The following ATAD2B variants were observed in gnomAD, a reference collection of about 807,000 sequenced individuals.
ATAD2B encodes the protein ATPase family AAA domain-containing protein 2B.
Under a neutral mutation model 167.6 loss-of-function variants are expected in ATAD2B, and 40 were observed. That is an observed-to-expected ratio of 0.24 (90% CI 0.19 to 0.31). The LOEUF is 0.31. ATAD2B is among the 10% of genes least tolerant of loss of function. The pLI is 1.00. For missense variants in ATAD2B, 1,242 were observed against 1,757.2 expected (o/e 0.71, Z 5.24); for synonymous variants, 579 against 596.5 (o/e 0.97, Z 0.43).
At chr2:23,803,396 G>C (rs980633966) in intron 18 of ATAD2B, among the ~76,000 whole-genome samples, 5 of 152,064 alleles carry the variant, frequency 3.3e-5, no homozygotes, top group African/African-American at 1.2e-4. Flanking sequence ...ACCAGCTAAA[G>C]TACTATAGCT....
intron 27 of ATAD2B, 126 bp downstream of exon 27, chr2:23,754,053 C>T: frequency 2.6e-6 from 2 of 775,408 alleles, no homozygotes; most frequent in Non-Finnish European, 1.9e-6. Context: ...TGTCTTAAAT[C>T]TTCAAAACAT....
the ATAD2B span, among the ~76,000 whole-genome samples, chr2:23,725,142 C>G: frequency 6.6e-6 from 1 of 151,120 alleles, no homozygotes; most frequent in African/African-American, 2.4e-5. Context: ...ACCATGGAGG[C>G]TAGAAGGCCA....
intron 2 of ATAD2B, among the ~76,000 whole-genome samples, chr2:23,895,049 G>A (rs1470406849): frequency 6.6e-6 from 1 of 151,916 alleles, no homozygotes; most frequent in African/African-American, 2.4e-5. Context: ...AATGCTTGAA[G>A]AATAAAAACA....
chr2:23,740,009 T>C, the ATAD2B span, among the ~76,000 whole-genome samples: 1 of 152,094 alleles, frequency 6.6e-6, no homozygotes, highest in African/African-American at 2.4e-5. Flanking sequence ...AGGAAGAAGT[T>C]GAACCTCTGA....
chr2:23,882,788 C>A (rs1294589940), intron 6 of ATAD2B, among the ~76,000 whole-genome samples: 1 of 150,458 alleles, frequency 6.6e-6, no homozygotes, highest in African/African-American at 2.4e-5. Flanking sequence ...CCAGCCTGGG[C>A]AACAGAGCGA....
intron 7 of ATAD2B, among the ~76,000 whole-genome samples, chr2:23,877,790 G>A (rs925525996): frequency 2.9e-4 from 43 of 149,246 alleles, no homozygotes; most frequent in Non-Finnish European, 4.8e-4. Flanking sequence ...AACCAGGGCG[G>A]TAGAAGCTGC....
At chr2:23,682,520 G>C in the ATAD2B span, among the ~76,000 whole-genome samples, 1 of 152,186 alleles carries the variant, frequency 6.6e-6, no homozygotes. This position sits in a 1 kb window ranked among gnomAD's most constrained non-coding sequence, Gnocchi z 4.1. Flanking sequence ...GCCACTTCCT[G>C]TCCAGAATCC....
chr2:23,845,570 A>ATTTTTTT (rs71402518), intron 13 of ATAD2B, among the ~76,000 whole-genome samples: 4 of 87,680 alleles, frequency 4.6e-5, no homozygotes, highest in African/African-American at 4.9e-5. Flanking sequence ...GCATGCTGGA[A>ATTTTTTT]TTTTTTTTTT....
chr2:23,744,282 AT>A (rs142964412), downstream of ATAD2B, among the ~76,000 whole-genome samples: 412 of 144,790 alleles, frequency 2.8e-3, no homozygotes, highest in East Asian at 3.4e-3. Flanking sequence ...TCCTGGGAGA[AT>A]TTTTTTTTTT....
chr2:23,834,134 TA>T (rs1689507347), intron 13 of ATAD2B, 56 bp from the exon 14 acceptor site: 3 of 514,514 alleles, frequency 5.8e-6, no homozygotes, highest in Admixed American at 8.7e-5. Context: ...CTGCTTACAA[TA>T]ACGTTTATCA....
chr2:23,748,222 G>T (rs56261842), downstream of ATAD2B, among the ~76,000 whole-genome samples: 11,992 of 152,172 alleles, frequency 0.079, 599 homozygotes, highest in South Asian at 0.12. Context: ...CTGAAGCCAA[G>T]AACATTCTAC....
rs762481569 is a variant in ATAD2B, at chr2:23,810,642, TA to T, written c.2268-141del. The T allele has an allele frequency of 3.9e-4, 248 of 638,984 alleles. 1 individual carries two copies. Among genetic ancestry groups the T allele is most frequent in the Admixed American group, 6.0e-4 (20 of 33,352 alleles). The allele number at this position is 638,984 out of a possible 1,614,324, so 39.6% of individuals were successfully genotyped here. A position where few individuals can be genotyped will look rare whatever the true frequency, so the allele number is the denominator to read the frequency against. ...CCTATATTATTTTAGTATAGTGACTTATTTTTTTATTAATTATGGTTTTAAA... is the reference window on the plus strand; with the variant it reads ...CCTATATTATTTTAGTATAGTGACTTTTTTTTTATTAATTATGGTTTTAAA... On this transcript the variant is annotated intron_variant, in intron 17 of 27. Transcript: ENST00000238789.
rs898913373 is a variant in ATAD2B, at chr2:23,926,488, CCAGA to C, written c.216+63_216+66del. 83 of 1,506,384 alleles carry C rather than the reference CCAGA, an allele frequency of 5.5e-5. 2 individuals carry two copies. In the Admixed American group the frequency reaches 1.5e-3, roughly 27 times the overall value. 93.3% of individuals were successfully genotyped at this position (1,506,384 alleles called of 1,614,324 possible). A position where few individuals can be genotyped will look rare whatever the true frequency, so the allele number is the denominator to read the frequency against. On this transcript the variant is annotated intron_variant, in intron 1 of 27. Coordinates refer to ENST00000238789, the MANE Select transcript of ATAD2B (RefSeq NM_017552.4). ...TGTAGGCTTCCTACCCCCAACCCGG[CCAGA>C]CAAAGCCCCGGCAGCAGGGCCGGCA...
intron 1 of ATAD2B, among the ~76,000 whole-genome samples, chr2:23,923,827 G>A (rs1704302676): frequency 6.6e-6 from 1 of 152,186 alleles, no homozygotes; most frequent in Non-Finnish European, 1.5e-5. Context: ...TGGACACAGT[G>A]AATGAAATAA....
At chr2:23,740,503 C>G in the ATAD2B span, among the ~76,000 whole-genome samples, 235 of 151,148 alleles carry the variant, frequency 1.6e-3, no homozygotes, top group African/African-American at 5.5e-3. Flanking sequence ...ATTCAACAAC[C>G]CTTCATGCTA....
chr2:23,819,998 C>A, intron 16 of ATAD2B, 116 bp from the exon 17 acceptor site: 1 of 639,624 alleles, frequency 1.6e-6, no homozygotes, highest in Non-Finnish European at 2.5e-6. Context: ...AGTTATCTAT[C>A]AAATAATACA....
rs1365341446 is a variant in ATAD2B at position 23,762,298 on chromosome 2, C to T, written c.3305G>A (p.Arg1102Gln). ...EQINPHSTGA[R>Q]KTETRVEEAF... ...CTCTTCGACTCTAGTTTCTGTCTTCCGAGCTCCAGTACTATGAGGATTTAT... is the reference window on the plus strand; with the variant it reads ...CTCTTCGACTCTAGTTTCTGTCTTCTGAGCTCCAGTACTATGAGGATTTAT... The change falls in exon 24 of 28, where the codon CGG becomes CAG. Residue 1102 changes from arginine to glutamine, a missense_variant. Physicochemically the swap from Arg to Gln is conservative, Grantham distance 43. Transcript: ENST00000238789. 23 of 1,613,246 alleles carry T rather than the reference C, an allele frequency of 1.4e-5. No individual in the cohort carries two copies. In the East Asian group the frequency reaches 1.6e-4, roughly 11 times the overall value.
chr2:23,822,656 C>T (rs1481705472), intron 16 of ATAD2B, among the ~76,000 whole-genome samples: 2 of 152,036 alleles, frequency 1.3e-5, no homozygotes, highest in Non-Finnish European at 2.9e-5. Flanking sequence ...TGGCTCACGC[C>T]TGTAATCCCA....
chr2:23,897,741 T>G (rs1265501699), intron 1 of ATAD2B, among the ~76,000 whole-genome samples: 1 of 152,200 alleles, frequency 6.6e-6, no homozygotes, highest in African/African-American at 2.4e-5. Flanking sequence ...CCTTACTTTC[T>G]GGCACAACTG....
Sources: gnomAD v4.1 joint callset for allele counts (sites outside exome capture counted in the v4.1 genomes callset) on GRCh38, gnomAD v4.1.1 for gene constraint, Gnocchi (gnomAD v3.1) non-coding constraint, MANE v1.5 for transcripts, NCBI Gene and HGNC (gene_info 2026-07-23, HGNC 2026-07-21) for gene names.